Variants in ANKRD30BL observed in about 807,000 individuals in gnomAD.
ANKRD30BL encodes the protein ankyrin repeat domain 30B like, also known as putative ankyrin repeat domain-containing protein 30B-like.
Under a neutral mutation model 18.4 loss-of-function variants are expected in ANKRD30BL, and 20 were observed. That is an observed-to-expected ratio of 1.09 (90% CI 0.77 to 1.58). The LOEUF (loss-of-function observed/expected upper bound fraction) is 1.58. Ranked by LOEUF, ANKRD30BL falls within the 40% of genes most tolerant of loss-of-function variation. The pLI, the probability that ANKRD30BL is intolerant of heterozygous loss-of-function variation, is 0.00. For missense variants in ANKRD30BL, 224 were observed against 268.6 expected, an observed-to-expected ratio of 0.83 and a Z score of 1.16; for synonymous variants, 72 against 100.9, an observed-to-expected ratio of 0.71 and a Z score of 1.72.
At chr2:132,169,493 A>G (rs1688240281) in intron 1 of ANKRD30BL, among the ~76,000 whole-genome samples, 1 of 152,074 alleles carries the variant, frequency 6.6e-6, no homozygotes, top group Non-Finnish European at 1.5e-5. Context: ...CTAAAAATAC[A>G]AAAACTAGCT....
chr2:132,216,129 A>C (rs1307485974), intron 1 of ANKRD30BL, among the ~76,000 whole-genome samples: 1 of 152,180 alleles, frequency 6.6e-6, no homozygotes, highest in Non-Finnish European at 1.5e-5. Context: ...TTTTTGTAGA[A>C]TCTGCAAGTG....
chr2:132,199,668 G>A (rs1573834537), intron 1 of ANKRD30BL, among the ~76,000 whole-genome samples: 2 of 151,650 alleles, frequency 1.3e-5, no homozygotes, highest in Admixed American at 6.6e-5. Flanking sequence ...CACCACAGAC[G>A]GTTAATTTTT....
At chr2:132,194,679 C>A (rs992137450) in intron 1 of ANKRD30BL, among the ~76,000 whole-genome samples, 9 of 152,224 alleles carry the variant, frequency 5.9e-5, no homozygotes, top group African/African-American at 2.2e-4. Flanking sequence ...CCTTCTCCTG[C>A]TTCCTCCTTC....
intron 1 of ANKRD30BL, among the ~76,000 whole-genome samples, chr2:132,235,990 G>T (rs929310851): frequency 6.6e-6 from 1 of 152,024 alleles, no homozygotes; most frequent in Non-Finnish European, 1.5e-5. Context: ...CCAAAACAGA[G>T]ATATAGATCA....
At chr2:132,176,572 T>C (rs1033617666) in intron 1 of ANKRD30BL, among the ~76,000 whole-genome samples, 5 of 151,668 alleles carry the variant, frequency 3.3e-5, no homozygotes, top group South Asian at 2.1e-4. Flanking sequence ...GGTTGTGCCA[T>C]TGTACTCCAG....
At chr2:132,165,501 C>T (rs1688171895), upstream of ANKRD30BL, among the ~76,000 whole-genome samples, 1 of 150,208 alleles carries the variant, frequency 6.7e-6, no homozygotes, top group Non-Finnish European at 1.5e-5. Flanking sequence ...GGACAACAGC[C>T]TGGGCCACAT....
At chr2:132,162,627 G>C (rs1340720705), upstream of ANKRD30BL, among the ~76,000 whole-genome samples, 2 of 152,132 alleles carry the variant, frequency 1.3e-5, no homozygotes, top group Non-Finnish European at 2.9e-5. Flanking sequence ...ACAGGTTCGG[G>C]GGTTGCCACC....
intron 1 of ANKRD30BL, among the ~76,000 whole-genome samples, chr2:132,234,584 C>T (rs200589643): frequency 2.0e-5 from 3 of 151,980 alleles, no homozygotes; most frequent in Admixed American, 1.3e-4. Flanking sequence ...CTAGAAAATC[C>T]AGAAGAAATG....
chr2:132,179,550 A>G (rs1031730702), intron 1 of ANKRD30BL, among the ~76,000 whole-genome samples: 1 of 152,042 alleles, frequency 6.6e-6, no homozygotes, highest in Non-Finnish European at 1.5e-5. Context: ...CAGCCTCCCA[A>G]ATTGCTTGCA....
intron 1 of ANKRD30BL, among the ~76,000 whole-genome samples, chr2:132,218,704 C>CGT (rs1679581737): frequency 6.7e-6 from 1 of 149,822 alleles, no homozygotes; most frequent in Admixed American, 6.6e-5. Context: ...CAGAGTTGAA[C>CGT]ATACCTTATC....
At chr2:132,242,605 C>T (rs117959344) in intron 1 of ANKRD30BL, among the ~76,000 whole-genome samples, 3 of 149,162 alleles carry the variant, frequency 2.0e-5, no homozygotes, top group South Asian at 2.1e-4. Flanking sequence ...CTCAACTCAC[C>T]GAGTTGAAGC....
intron 4 of ANKRD30BL, among the ~76,000 whole-genome samples, chr2:132,151,594 G>A (rs891814387): frequency 1.1e-4 from 17 of 148,308 alleles, no homozygotes; most frequent in Non-Finnish European, 2.2e-4. Context: ...GGGAGACCAT[G>A]TCTCAACAAA....
At chr2:132,156,093 G>A (rs561424894) in intron 3 of ANKRD30BL, 17 of 151,834 alleles carry the variant, frequency 1.1e-4, no homozygotes, top group Non-Finnish European at 7.4e-5. Context: ...GCTTATTAAC[G>A]AAAGTTCTAA....
intron 1 of ANKRD30BL, among the ~76,000 whole-genome samples, chr2:132,176,959 A>G (rs190169975): frequency 9.5e-4 from 144 of 152,304 alleles, no homozygotes; most frequent in Non-Finnish European, 1.5e-3. Context: ...AAAATTTTAA[A>G]TAGATTTAAG....
chr2:132,185,068 TC>T (rs201832834), intron 1 of ANKRD30BL, among the ~76,000 whole-genome samples: 1,542 of 152,278 alleles, frequency 0.01, 20 homozygotes, highest in African/African-American at 0.034. Flanking sequence ...TGCCTCAGCC[TC>T]CCAAAGTGCT....
intron 1 of ANKRD30BL, among the ~76,000 whole-genome samples, chr2:132,212,153 A>C (rs997172767): frequency 6.7e-6 from 1 of 149,338 alleles, no homozygotes; most frequent in Admixed American, 6.7e-5. Flanking sequence ...AGTGTTGAAC[A>C]TTTTTTTTTT....
At chr2:132,170,260 G>A (rs1268576014) in intron 1 of ANKRD30BL, among the ~76,000 whole-genome samples, 1 of 152,108 alleles carries the variant, frequency 6.6e-6, no homozygotes, top group Non-Finnish European at 1.5e-5. Flanking sequence ...ACACAGCCTT[G>A]AAATATTAGG....
intron 1 of ANKRD30BL, among the ~76,000 whole-genome samples, chr2:132,211,155 A>G (rs1355084960): frequency 6.9e-6 from 1 of 145,490 alleles, no homozygotes; most frequent in Admixed American, 6.9e-5. Context: ...GCTTTCAAAT[A>G]TTCTTTTTGC....
At chr2:132,209,168 A>C (rs1396416181) in intron 1 of ANKRD30BL, among the ~76,000 whole-genome samples, 12 of 151,482 alleles carry the variant, frequency 7.9e-5, no homozygotes, top group Non-Finnish European at 1.5e-4. Flanking sequence ...ATGGTGGAAA[A>C]GGAAATATCT....
Sources: gnomAD v4.1 joint callset for allele counts (sites outside exome capture counted in the v4.1 genomes callset) on GRCh38, gnomAD v4.1.1 for gene constraint, MANE v1.5 for transcripts, NCBI Gene and HGNC (gene_info 2026-07-23, HGNC 2026-07-21) for gene names.